ARHGEF10: variants seen among roughly 807,000 people sequenced by gnomAD.
ARHGEF10 encodes Rho guanine nucleotide exchange factor 10.
ARHGEF10 carries 140 observed loss-of-function variants against 147.4 expected under a neutral mutation model. That is an observed-to-expected ratio of 0.95 (90% CI 0.83 to 1.09). The LOEUF is 1.09. Among genes scored for constraint, ARHGEF10 ranks in the 50% least tolerant of loss-of-function variants. ARHGEF10 has a pLI of 0.00. For missense variants in ARHGEF10, 2,222 were observed against 1,752.7 expected (o/e 1.27, Z -4.78); for synonymous variants, 902 against 695.8 (o/e 1.30, Z -4.67).
At chr8:1,864,630 G>T (rs926501588) in intron 5 of ARHGEF10, among the ~76,000 whole-genome samples, 194 bp downstream of exon 5, 1 of 152,250 alleles carries the variant, frequency 6.6e-6, no homozygotes, top group Non-Finnish European at 1.5e-5. Flanking sequence ...CGAGTGGACT[G>T]AGGGTCTGAT....
intron 9 of ARHGEF10, 72 bp from the exon 10 acceptor site, chr8:1,882,563 T>C (rs1351045059): frequency 8.0e-7 from 1 of 1,251,210 alleles, no homozygotes; most frequent in East Asian, 2.5e-5. Context: ...AGTATTCTTT[T>C]AAAACAGGCA....
At chr8:1,903,580 G>C (rs559661738) in intron 16 of ARHGEF10, 129 bp downstream of exon 16, 31 of 1,250,458 alleles carry the variant, frequency 2.5e-5, no homozygotes, top group Non-Finnish European at 3.5e-5. Flanking sequence ...GTTCTTAACC[G>C]GGGTGGATGG....
intron 27 of ARHGEF10, among the ~76,000 whole-genome samples, chr8:1,952,025 C>T (rs548497930): frequency 6.6e-6 from 1 of 151,270 alleles, no homozygotes; most frequent in African/African-American, 2.4e-5. Flanking sequence ...TTGTCACTGC[C>T]GGAGCAAATT....
At chr8:1,888,222 C>CGAGGAGACACTTAGTGGGGCGAGGGTTGT (rs1808931466) in intron 11 of ARHGEF10, among the ~76,000 whole-genome samples, 2 of 34,234 alleles carry the variant, frequency 5.8e-5, no homozygotes, top group Non-Finnish European at 5.2e-5. Flanking sequence ...GCGAGGGTTG[C>CGAGGAGACACTTAGTGGGGCGAGGGTTGT]GAGGAGACAG....
At chr8:1,832,491 GAGGCAGAGACAC>G (rs1157951734) in intron 1 of ARHGEF10, among the ~76,000 whole-genome samples, 1 of 149,110 alleles carries the variant, frequency 6.7e-6, no homozygotes, top group Non-Finnish European at 1.5e-5. Context: ...GACACAGGCA[GAGGCAGAGACAC>G]AGGCAGAGAC....
intron 1 of ARHGEF10, among the ~76,000 whole-genome samples, chr8:1,833,573 T>TA (rs1223725603): frequency 1.3e-5 from 2 of 152,178 alleles, no homozygotes; most frequent in African/African-American, 4.8e-5. Flanking sequence ...GGCGCCCTGT[T>TA]ACCGCCTCCA....
At chr8:1,932,957 T>C (rs1307665700) in intron 25 of ARHGEF10, among the ~76,000 whole-genome samples, 1 of 152,224 alleles carries the variant, frequency 6.6e-6, no homozygotes, top group Non-Finnish European at 1.5e-5. Flanking sequence ...AATTGAAGAA[T>C]TCATTTTAAT....
At chr8:1,830,673 G>A (rs1355476492) in intron 1 of ARHGEF10, among the ~76,000 whole-genome samples, 3 of 152,208 alleles carry the variant, frequency 2.0e-5, no homozygotes. Context: ...CTTGCCCTGG[G>A]GGGCTGGCAC....
At chr8:1,869,051 A>C in intron 6 of ARHGEF10, 143 bp from the exon 7 acceptor site, 1 of 751,682 alleles carries the variant, frequency 1.3e-6, no homozygotes, top group Non-Finnish European at 2.3e-6. Context: ...AGAACGAAAA[A>C]GTAAAAAATA....
intron 1 of ARHGEF10, among the ~76,000 whole-genome samples, chr8:1,824,781 C>T (rs1239978954): frequency 2.5e-5 from 2 of 78,582 alleles, no homozygotes; most frequent in Non-Finnish European, 5.0e-5. Flanking sequence ...TATTCTGCAC[C>T]CCACCTGTCC....
At chr8:1,947,554 C>T (rs971536478) in intron 27 of ARHGEF10, among the ~76,000 whole-genome samples, 2 of 152,174 alleles carry the variant, frequency 1.3e-5, no homozygotes, top group Non-Finnish European at 2.9e-5. Flanking sequence ...CAACAGCACT[C>T]ACGCCCAGGC....
intron 18 of ARHGEF10, among the ~76,000 whole-genome samples, chr8:1,915,903 G>A (rs1278903688): frequency 6.6e-6 from 1 of 152,230 alleles, no homozygotes; most frequent in Non-Finnish European, 1.5e-5. Flanking sequence ...AGACGCCGAT[G>A]CATCCCTGGA....
intron 18 of ARHGEF10, among the ~76,000 whole-genome samples, chr8:1,917,515 C>A (rs1313234668): frequency 6.6e-6 from 1 of 152,142 alleles, no homozygotes; most frequent in Non-Finnish European, 1.5e-5. Flanking sequence ...ACAAACCCTT[C>A]CTTGTTTGCC....
intron 7 of ARHGEF10, among the ~76,000 whole-genome samples, chr8:1,872,456 T>G (rs529312121): frequency 2.1e-4 from 32 of 152,302 alleles, no homozygotes; most frequent in African/African-American, 7.0e-4. Context: ...CCTGCGAAGG[T>G]TGATGCTACA....
At chr8:1,870,393 A>C (rs1029569070) in intron 7 of ARHGEF10, 1 of 152,218 alleles carries the variant, frequency 6.6e-6, no homozygotes, top group Non-Finnish European at 1.5e-5. Flanking sequence ...AAAGCTTTGC[A>C]AATCATATGA....
intron 4 of ARHGEF10, among the ~76,000 whole-genome samples, chr8:1,860,946 C>T (rs537989298): frequency 1.2e-4 from 18 of 152,278 alleles, no homozygotes; most frequent in Non-Finnish European, 1.6e-4. Flanking sequence ...TTTTCCTCGC[C>T]GGGAAGATGC....
At chr8:1,858,144 G>T in intron 3 of ARHGEF10, 29 bp downstream of exon 3, 2 of 1,582,440 alleles carry the variant, frequency 1.3e-6, no homozygotes, top group East Asian at 2.3e-5. Flanking sequence ...CCCCAGGTGA[G>T]TCCCCAGGTG....
At chr8:1,916,573 G>A (rs542161178) in intron 18 of ARHGEF10, among the ~76,000 whole-genome samples, 2 of 152,258 alleles carry the variant, frequency 1.3e-5, no homozygotes, top group East Asian at 1.9e-4. Context: ...TAGGCCTTGC[G>A]CTGGGAGGAG....
intron 21 of ARHGEF10, 87 bp from the exon 22 acceptor site, chr8:1,925,196 C>T (rs983301165): frequency 1.9e-6 from 3 of 1,561,716 alleles, no homozygotes; most frequent in African/African-American, 2.7e-5. Flanking sequence ...ATGCCAGAAA[C>T]TTCCCCTGCT....
Sources: gnomAD v4.1 joint callset for allele counts (sites outside exome capture counted in the v4.1 genomes callset) on GRCh38, gnomAD v4.1.1 for gene constraint, MANE v1.5 for transcripts, NCBI Gene and HGNC (gene_info 2026-07-23, HGNC 2026-07-21) for gene names.